Variants in FHIP1A observed in about 807,000 individuals in gnomAD.
The protein encoded by FHIP1A is FHF complex subunit HOOK-interacting protein 1A.
Under a neutral mutation model 88.6 loss-of-function variants are expected in FHIP1A, and 61 were observed. The ratio of observed to expected loss-of-function variants is 0.69; its 90% CI spans 0.56 to 0.85. The LOEUF is 0.85. FHIP1A is among the 40% of genes least tolerant of loss of function. FHIP1A has a pLI of 0.00. For synonymous variants in FHIP1A, 478 were observed against 496.0 expected (o/e 0.96, Z 0.48); for missense variants, 1,154 against 1,273.5 (o/e 0.91, Z 1.43).
At chr4:151,661,684 T>A (rs927780483) in intron 13 of FHIP1A, among the ~76,000 whole-genome samples, 3 of 152,200 alleles carry the variant, frequency 2.0e-5, no homozygotes, top group Non-Finnish European at 4.4e-5. Flanking sequence ...ATAGGGATGT[T>A]GAACCATTTT....
chr4:151,495,715 CCA>C (rs1259099080), intron 3 of FHIP1A, among the ~76,000 whole-genome samples: 1 of 146,546 alleles, frequency 6.8e-6, no homozygotes, highest in Non-Finnish European at 1.5e-5. Context: ...CCTCCACCTC[CCA>C]GTTTCCAGTG....
At chr4:151,574,521 T>C (rs1578770056) in intron 4 of FHIP1A, among the ~76,000 whole-genome samples, 3 of 152,074 alleles carry the variant, frequency 2.0e-5, no homozygotes, top group Non-Finnish European at 4.4e-5. Context: ...ATATTGTATA[T>C]ATAAAATATA....
intron 9 of FHIP1A, among the ~76,000 whole-genome samples, chr4:151,644,129 T>C (rs2126899882): frequency 6.6e-6 from 1 of 152,326 alleles, no homozygotes; most frequent in African/African-American, 2.4e-5. Flanking sequence ...AAATAATTAA[T>C]GACCAAAATA....
At chr4:151,634,075 T>G (rs1489004267) in intron 8 of FHIP1A, among the ~76,000 whole-genome samples, 2 of 151,878 alleles carry the variant, frequency 1.3e-5, no homozygotes, top group Non-Finnish European at 2.9e-5. Flanking sequence ...GCGAGTTCAG[T>G]AAAGTTACAG....
At chr4:151,469,422 GATACTGTGAGACAT>G (rs1488131882) in intron 2 of FHIP1A, among the ~76,000 whole-genome samples, 1 of 152,146 alleles carries the variant, frequency 6.6e-6, no homozygotes, top group African/African-American at 2.4e-5. Flanking sequence ...TTTAAAATTT[GATACTGTGAGACAT>G]ATAGAGCAGG....
At chr4:151,661,958 T>C (rs1194516110) in intron 13 of FHIP1A, among the ~76,000 whole-genome samples, 6 of 152,210 alleles carry the variant, frequency 3.9e-5, no homozygotes, top group African/African-American at 1.4e-4. Flanking sequence ...TTGGAGGTCC[T>C]GGCCAGAAGA....
At chr4:151,466,304 A>G (rs1252821939) in intron 2 of FHIP1A, among the ~76,000 whole-genome samples, 1 of 152,234 alleles carries the variant, frequency 6.6e-6, no homozygotes, top group African/African-American at 2.4e-5. Context: ...AAGGAGAACT[A>G]CAAACCACTG....
At chr4:151,527,428 G>T (rs888583882) in intron 3 of FHIP1A, among the ~76,000 whole-genome samples, 3 of 152,180 alleles carry the variant, frequency 2.0e-5, no homozygotes, top group African/African-American at 7.2e-5. Context: ...GCAGGCTGAG[G>T]CAGGAGAATC....
chr4:151,517,401 T>C (rs959092261), intron 3 of FHIP1A, among the ~76,000 whole-genome samples: 1 of 152,060 alleles, frequency 6.6e-6, no homozygotes, highest in Non-Finnish European at 1.5e-5. Context: ...TGTATACATA[T>C]GTAACTAACC....
In FHIP1A at chr4:151,415,270, T is replaced by G. The variant is rs191063479; in HGVS notation, c.-356+5805T>G. On this transcript the variant is annotated intron_variant, in intron 1 of 13. Coordinates refer to ENST00000435205, the MANE Select transcript of FHIP1A (RefSeq NM_001109977.3). Reference sequence around the variant, plus strand: ...GGTGCAATGTCAGCTCACTGCAACCTCTCCCTCCCAGGTTCGAGCAATTCT... The same window carrying G: ...GGTGCAATGTCAGCTCACTGCAACCGCTCCCTCCCAGGTTCGAGCAATTCT... 4.6e-3 allele frequency among the ~76,000 whole-genome samples: 693 copies of G among 151,440 alleles called. 3 individuals carry two copies. The highest frequency in any genetic ancestry group is 6.2e-3 in the Non-Finnish European group (424 of 67,860).
At chr4:151,507,781 G>A (rs146076655) in intron 3 of FHIP1A, among the ~76,000 whole-genome samples, 209 of 152,278 alleles carry the variant, frequency 1.4e-3, no homozygotes, top group African/African-American at 4.8e-3. Flanking sequence ...CCACAGTTCT[G>A]TCCTCTGAGA....
intron 3 of FHIP1A, among the ~76,000 whole-genome samples, chr4:151,515,599 G>A (rs1257525123): frequency 6.6e-6 from 1 of 152,214 alleles, no homozygotes; most frequent in African/African-American, 2.4e-5. Context: ...AGCAACTTCA[G>A]CAAAGTCTCA....
In FHIP1A at chr4:151,446,919, A is replaced by G. The variant is rs183309190; in HGVS notation, c.-355-7782A>G. ...GTGAATGCTGATCCAGACTTATAAT[A>G]TGAGAGCTGTAGTGTTTTTCTTGAT... On this transcript the variant is annotated intron_variant, in intron 1 of 13. Transcript: ENST00000435205. Among the ~76,000 whole-genome samples, 680 of 152,242 alleles carry G rather than the reference A, an allele frequency of 4.5e-3. 16 individuals carry two copies. Among genetic ancestry groups the G allele is most frequent in the East Asian group, 3.1e-3 (16 of 5,178 alleles).
intron 7 of FHIP1A, among the ~76,000 whole-genome samples, chr4:151,591,681 A>G (rs1396434361): frequency 6.6e-6 from 1 of 152,026 alleles, no homozygotes; most frequent in Non-Finnish European, 1.5e-5. Flanking sequence ...ACTCCCACTT[A>G]TGAGTGAGAA....
intron 1 of FHIP1A, among the ~76,000 whole-genome samples, chr4:151,442,967 G>A (rs141714372): frequency 2.0e-5 from 3 of 152,120 alleles, no homozygotes; most frequent in African/African-American, 7.2e-5. Flanking sequence ...TTTAATGATT[G>A]TAGTTGACTG....
At position 151,566,359 on chromosome 4, in the gene FHIP1A, G is replaced by A. The variant is rs900479971; in HGVS notation, c.100G>A (p.Ala34Thr). Reference sequence around the variant, plus strand: ...CATGATTGTATTTAAAAACCACTGGGCACAGGTAATGTATGAATTCCACTT... The same window carrying A: ...CATGATTGTATTTAAAAACCACTGGACACAGGTAATGTATGAATTCCACTT... ...TCMIVFKNHW[A>T]QVVKILEKHD... The change falls in exon 4 of 14, where the codon GCA becomes ACA. Residue 34 changes from alanine to threonine, a missense_variant. Coordinates refer to ENST00000435205, the MANE Select transcript of FHIP1A (RefSeq NM_001109977.3). 6.5e-7 allele frequency: 1 copy of A among 1,542,560 alleles called. No individual in the cohort carries two copies. The highest frequency in any genetic ancestry group is 8.8e-7 in the Non-Finnish European group (1 of 1,138,658).
At chr4:151,445,105 A>G (rs951547137) in intron 1 of FHIP1A, among the ~76,000 whole-genome samples, 1 of 152,120 alleles carries the variant, frequency 6.6e-6, no homozygotes, top group African/African-American at 2.4e-5. Flanking sequence ...GGAGGTTCTC[A>G]TGACCCCCTT....
intron 3 of FHIP1A, among the ~76,000 whole-genome samples, chr4:151,516,709 C>T (rs9968310): frequency 0.021 from 3,121 of 152,242 alleles, 109 homozygotes; most frequent in African/African-American, 0.07. Flanking sequence ...AAATGCTCAC[C>T]ATTACTGGCT....
chr4:151,603,254 G>T (rs1012729964), intron 7 of FHIP1A, among the ~76,000 whole-genome samples: 1 of 151,702 alleles, frequency 6.6e-6, no homozygotes, highest in Admixed American at 6.6e-5. Flanking sequence ...TGGAGGTTGC[G>T]GTGAGCCAAA....
Sources: gnomAD v4.1 joint callset for allele counts (sites outside exome capture counted in the v4.1 genomes callset) on GRCh38, gnomAD v4.1.1 for gene constraint, MANE v1.5 for transcripts, NCBI Gene and HGNC (gene_info 2026-07-23, HGNC 2026-07-21) for gene names.